The following TAOK3 variants were observed in gnomAD, a reference collection of about 807,000 sequenced individuals.
TAOK3 encodes serine/threonine-protein kinase TAO3.
Under a neutral mutation model 120.4 loss-of-function variants are expected in TAOK3, and 40 were observed. The ratio of observed to expected loss-of-function variants is 0.33; its 90% CI spans 0.26 to 0.43. The LOEUF (loss-of-function observed/expected upper bound fraction) is 0.43. Ranked by LOEUF, TAOK3 falls within the 20% of genes least tolerant of loss-of-function variation. The probability of loss-of-function intolerance (pLI) is 1.00; values close to 1 mark genes in which losing one functional copy is unlikely to be tolerated. For synonymous variants in TAOK3, 355 were observed against 387.5 expected (o/e 0.92, Z 0.99); for missense variants, 821 against 1,112.1 (o/e 0.74, Z 3.72).
At chr12:118,283,152 A>G (rs2042153695) in intron 1 of TAOK3, among the ~76,000 whole-genome samples, 1 of 152,206 alleles carries the variant, frequency 6.6e-6, no homozygotes, top group Non-Finnish European at 1.5e-5. Context: ...TATAAGAGGT[A>G]TAGTAGCTGA....
intron 2 of TAOK3, among the ~76,000 whole-genome samples, chr12:118,263,167 T>C (rs1030428018): frequency 2.6e-5 from 4 of 152,154 alleles, no homozygotes; most frequent in Non-Finnish European, 5.9e-5. Context: ...TGCAGTGGAA[T>C]AGGAAGCCCA....
chr12:118,243,691 A>G (rs1264190305), intron 4 of TAOK3, among the ~76,000 whole-genome samples, 175 bp from the exon 5 acceptor site: 1 of 151,934 alleles, frequency 6.6e-6, no homozygotes, highest in Non-Finnish European at 1.5e-5. Flanking sequence ...TTTTGTTTTT[A>G]ATTGAGACAG....
At chr12:118,356,457 G>A (rs1047314292) in intron 1 of TAOK3, among the ~76,000 whole-genome samples, 3 of 151,742 alleles carry the variant, frequency 2.0e-5, no homozygotes, top group African/African-American at 4.8e-5. Flanking sequence ...ACACCACCAC[G>A]CCCAGCTAAT....
At chr12:118,283,772 C>G (rs2042174352) in intron 1 of TAOK3, 1 of 203,066 alleles carries the variant, frequency 4.9e-6, no homozygotes, top group African/African-American at 2.3e-5. Flanking sequence ...ACAAACCAGA[C>G]AGAATTTTTT....
rs559696168 is a variant in TAOK3, at chr12:118,275,022, C to T, written c.-193-8263G>A. Reference sequence around the variant, plus strand: ...CCTCACATGAATCTGAAAATTAAGACCAGTATAAGAATGGTGGTGATGTGT... The same window carrying T: ...CCTCACATGAATCTGAAAATTAAGATCAGTATAAGAATGGTGGTGATGTGT... On this transcript the variant is annotated intron_variant, in intron 1 of 20. Transcript: ENST00000392533. Among the ~76,000 whole-genome samples, 4 of 152,244 alleles carry T rather than the reference C, an allele frequency of 2.6e-5. No individual in the cohort carries two copies. In the South Asian group the frequency reaches 6.2e-4, roughly 24 times the overall value.
intron 9 of TAOK3, among the ~76,000 whole-genome samples, chr12:118,214,592 T>C (rs1362698723): frequency 6.6e-6 from 1 of 151,642 alleles, no homozygotes; most frequent in Non-Finnish European, 1.5e-5. Context: ...TTTTTTTTTT[T>C]TTGTGACGGA....
At chr12:118,260,288 C>T (rs1037470946) in intron 2 of TAOK3, among the ~76,000 whole-genome samples, 1 of 152,150 alleles carries the variant, frequency 6.6e-6, no homozygotes, top group African/African-American at 2.4e-5. Flanking sequence ...CCAACTGTGC[C>T]TGCCTCTAAC....
chr12:118,322,179 G>A (rs552372103), intron 1 of TAOK3, among the ~76,000 whole-genome samples: 11 of 151,810 alleles, frequency 7.2e-5, no homozygotes, highest in African/African-American at 2.7e-4. Context: ...GCTGGGTGTG[G>A]TGGCCCATGT....
At chr12:118,361,265 T>C (rs1459949502) in intron 1 of TAOK3, among the ~76,000 whole-genome samples, 1 of 152,170 alleles carries the variant, frequency 6.6e-6, no homozygotes, top group Non-Finnish European at 1.5e-5. Flanking sequence ...AGAGTTTTCT[T>C]AGGTTTTAGC....
At chr12:118,194,612 CTTTTTTTTTTTT>C (rs58866768) in intron 13 of TAOK3, among the ~76,000 whole-genome samples, 2 of 98,172 alleles carry the variant, frequency 2.0e-5, no homozygotes, top group Non-Finnish European at 4.3e-5. Flanking sequence ...AAGGACATTT[CTTTTTTTTTTTT>C]TTTTTTTTTT....
intron 11 of TAOK3, among the ~76,000 whole-genome samples, chr12:118,211,283 C>T (rs1006210676): frequency 6.6e-6 from 1 of 152,128 alleles, no homozygotes; most frequent in Non-Finnish European, 1.5e-5. Flanking sequence ...AAATCTTCTC[C>T]TCCATGTGTT....
intron 9 of TAOK3, among the ~76,000 whole-genome samples, chr12:118,225,029 C>A (rs1054511068): frequency 2.6e-5 from 4 of 151,892 alleles, no homozygotes; most frequent in Admixed American, 2.6e-4. Flanking sequence ...GGGTGGATCA[C>A]CTGAGATCAG....
intron 1 of TAOK3, among the ~76,000 whole-genome samples, chr12:118,281,900 A>G (rs952445448): frequency 6.6e-6 from 1 of 152,242 alleles, no homozygotes; most frequent in African/African-American, 2.4e-5. Context: ...AGCATAAAAA[A>G]TATTTTGATG....
At chr12:118,311,030 T>A (rs1239812235) in intron 1 of TAOK3, among the ~76,000 whole-genome samples, 1 of 151,988 alleles carries the variant, frequency 6.6e-6, no homozygotes, top group Non-Finnish European at 1.5e-5. Context: ...CCTACAGTGT[T>A]TCATAGGTAT....
At chr12:118,217,219 C>T (rs1420954844) in intron 9 of TAOK3, among the ~76,000 whole-genome samples, 2 of 152,182 alleles carry the variant, frequency 1.3e-5, no homozygotes, top group East Asian at 1.9e-4. Context: ...AAAATTTGGA[C>T]ACAGCCAGAG....
intron 9 of TAOK3, among the ~76,000 whole-genome samples, chr12:118,220,584 G>A (rs1028171177): frequency 2.0e-5 from 3 of 151,622 alleles, no homozygotes; most frequent in Non-Finnish European, 4.4e-5. Flanking sequence ...AATTGCATAG[G>A]AGAAACAGTG....
At chr12:118,190,546 C>T (rs1593104404) in intron 13 of TAOK3, 1 of 152,318 alleles carries the variant, frequency 6.6e-6, no homozygotes, top group Middle Eastern at 3.4e-3. Flanking sequence ...AGCACCTTCT[C>T]TCTACAGCTT....
chr12:118,157,686 A>G (rs2034935424), intron 19 of TAOK3, among the ~76,000 whole-genome samples: 1 of 152,238 alleles, frequency 6.6e-6, no homozygotes, highest in African/African-American at 2.4e-5. Flanking sequence ...TGTTTCCTCC[A>G]TGCTTCCATA....
intron 1 of TAOK3, among the ~76,000 whole-genome samples, chr12:118,318,391 C>T (rs186356201): frequency 3.3e-5 from 5 of 152,100 alleles, no homozygotes; most frequent in African/African-American, 7.2e-5. Context: ...TTCTAGACCT[C>T]GTGATCTGCC....
Sources: gnomAD v4.1 joint callset for allele counts (sites outside exome capture counted in the v4.1 genomes callset) on GRCh38, gnomAD v4.1.1 for gene constraint, MANE v1.5 for transcripts, NCBI Gene and HGNC (gene_info 2026-07-23, HGNC 2026-07-21) for gene names.